The following BICD1 variants were observed in gnomAD, a reference collection of about 807,000 sequenced individuals.
BICD1 encodes the protein BICD cargo adaptor 1, also known as protein bicaudal D homolog 1.
A neutral mutation model predicts 92.5 loss-of-function variants in BICD1; 35 were observed. The observed-to-expected ratio is 0.38, with a 90% CI of 0.29 to 0.50. BICD1 has a LOEUF of 0.50. BICD1 is among the 20% of genes least tolerant of loss of function. The probability of loss-of-function intolerance (pLI) is 0.93; values close to 1 mark genes in which losing one functional copy is unlikely to be tolerated. For missense variants in BICD1, 950 were observed against 1,189.8 expected, an observed-to-expected ratio of 0.80 and a Z score of 2.97; for synonymous variants, 429 against 465.1, an observed-to-expected ratio of 0.92 and a Z score of 1.00.
At chr12:32,230,058 G>A (rs1424618069) in intron 2 of BICD1, among the ~76,000 whole-genome samples, 2 of 152,156 alleles carry the variant, frequency 1.3e-5, no homozygotes, top group South Asian at 2.1e-4. Context: ...TGTGAGTGAA[G>A]CAAGTCCTCT....
rs1592360338 is a variant in BICD1, at chr12:32,139,245, T to A, written c.213+31701T>A. 2.0e-5 allele frequency among the ~76,000 whole-genome samples: 3 copies of A among 152,312 alleles called. No homozygotes were observed. The South Asian group carries it at 6.2e-4, about 32-fold the overall frequency. ...CCCTTTGCTGTGAAACAGGTTTCAG[T>A]GCATCGTCCCTGTGTATAAGGTCAG... On this transcript the variant is annotated intron_variant, in intron 1 of 9. Transcript: ENST00000652176.
intron 4 of BICD1, among the ~76,000 whole-genome samples, chr12:32,320,170 C>T (rs919584220): frequency 1.3e-5 from 2 of 152,050 alleles, no homozygotes; most frequent in Non-Finnish European, 2.9e-5. Flanking sequence ...GCTATGTATA[C>T]TGTTAGAAGA....
At chr12:32,270,268 C>T (rs530459480) in intron 2 of BICD1, among the ~76,000 whole-genome samples, 2 of 151,822 alleles carry the variant, frequency 1.3e-5, no homozygotes, top group South Asian at 4.2e-4. Context: ...AAATCTGAAT[C>T]TAATGGTACT....
chr12:32,172,901 G>A (rs1943985645), intron 1 of BICD1, among the ~76,000 whole-genome samples: 1 of 152,036 alleles, frequency 6.6e-6, no homozygotes, highest in African/African-American at 2.4e-5. Flanking sequence ...ATTCTCTTTC[G>A]GCATTTTTCA....
chr12:32,126,389 C>G (rs559246433), intron 1 of BICD1, among the ~76,000 whole-genome samples: 1 of 152,014 alleles, frequency 6.6e-6, no homozygotes, highest in South Asian at 2.1e-4. Context: ...TTGGTCATGC[C>G]TGCAGCTCTC....
intron 2 of BICD1, among the ~76,000 whole-genome samples, chr12:32,222,166 T>A (rs1044159086): frequency 6.6e-6 from 1 of 152,238 alleles, no homozygotes; most frequent in Admixed American, 6.5e-5. Flanking sequence ...AAAGCAATTA[T>A]GCAGCATTCC....
chr12:32,287,197 A>T (rs1947592640), intron 2 of BICD1, among the ~76,000 whole-genome samples: 1 of 152,232 alleles, frequency 6.6e-6, no homozygotes, highest in Non-Finnish European at 1.5e-5. Flanking sequence ...CACTCAACTC[A>T]GACTGAAATT....
At chr12:32,219,582 A>G (rs563419565) in intron 2 of BICD1, among the ~76,000 whole-genome samples, 1 of 152,192 alleles carries the variant, frequency 6.6e-6, no homozygotes, top group African/African-American at 2.4e-5. Flanking sequence ...ATGTAGATCT[A>G]TATTCTTAGG....
chr12:32,300,113 T>C (rs1410359576), intron 3 of BICD1, among the ~76,000 whole-genome samples: 1 of 152,034 alleles, frequency 6.6e-6, no homozygotes, highest in Non-Finnish European at 1.5e-5. Flanking sequence ...ACTATTTTTT[T>C]TTTTTTGAGA....
At chr12:32,244,477 G>A (rs1352835427) in intron 2 of BICD1, among the ~76,000 whole-genome samples, 2 of 152,118 alleles carry the variant, frequency 1.3e-5, no homozygotes, top group Non-Finnish European at 2.9e-5. Context: ...GAGGCAGGCT[G>A]TCATTAATTG....
At chr12:32,247,960 G>A (rs1474800227) in intron 2 of BICD1, among the ~76,000 whole-genome samples, 1 of 151,540 alleles carries the variant, frequency 6.6e-6, no homozygotes, top group African/African-American at 2.4e-5. Context: ...GTGCGCACCT[G>A]TAATCCCAAC....
intron 1 of BICD1, among the ~76,000 whole-genome samples, chr12:32,190,338 C>T (rs1195720752): frequency 6.6e-6 from 1 of 152,088 alleles, no homozygotes; most frequent in Non-Finnish European, 1.5e-5. Context: ...TAACAATATT[C>T]GTGTGTACAA....
chr12:32,186,572 G>A (rs971154853), intron 1 of BICD1, among the ~76,000 whole-genome samples: 8 of 152,158 alleles, frequency 5.3e-5, no homozygotes, highest in African/African-American at 1.9e-4. Flanking sequence ...TGGTGTTTCA[G>A]GGGGACAGTT....
Position 32,294,160 on chromosome 12 carries a change from A to C in BICD1, c.579+14A>C, listed in dbSNP as rs201555447. 1.3e-6 allele frequency: 2 copies of C among 1,580,340 alleles called. No homozygotes were observed. Among genetic ancestry groups the C allele is most frequent in the South Asian group, 2.4e-5 (2 of 85,018 alleles). On this transcript the variant is annotated intron_variant, in intron 3 of 9. Transcript: ENST00000652176. ...AAGCAGAACCAGGTAAGGTTTAAGAAATTTTTTGTTATACTGAAGATGGAT... is the reference window on the plus strand; with the variant it reads ...AAGCAGAACCAGGTAAGGTTTAAGACATTTTTTGTTATACTGAAGATGGAT...
intron 4 of BICD1, among the ~76,000 whole-genome samples, chr12:32,323,163 T>C (rs1362593239): frequency 6.6e-6 from 1 of 152,244 alleles, no homozygotes; most frequent in Non-Finnish European, 1.5e-5. Flanking sequence ...ATAGTCTGGG[T>C]AAGCAAATTC....
At chr12:32,239,279 ATTGTT>A (rs1946167432) in intron 2 of BICD1, among the ~76,000 whole-genome samples, 1 of 140,012 alleles carries the variant, frequency 7.1e-6, no homozygotes. Context: ...AAGAAAGGAA[ATTGTT>A]GGCCGGGCGC....
intron 2 of BICD1, among the ~76,000 whole-genome samples, chr12:32,247,132 C>A (rs1946409016): frequency 6.6e-6 from 1 of 151,388 alleles, no homozygotes; most frequent in Admixed American, 6.6e-5. Context: ...TGGTGTGTGC[C>A]TGTAGTCCCA....
chr12:32,206,303 A>T (rs1397258253), intron 1 of BICD1, among the ~76,000 whole-genome samples: 1 of 152,202 alleles, frequency 6.6e-6, no homozygotes, highest in Non-Finnish European at 1.5e-5. Context: ...GCCCACAAGG[A>T]TTAGAAATAA....
intron 1 of BICD1, among the ~76,000 whole-genome samples, chr12:32,155,102 AG>A (rs1943400789): frequency 1.3e-5 from 2 of 152,042 alleles, no homozygotes; most frequent in African/African-American, 4.8e-5. Context: ...TTATTTTTGC[AG>A]TTAATAAATG....
Sources: gnomAD v4.1 joint callset for allele counts (sites outside exome capture counted in the v4.1 genomes callset) on GRCh38, gnomAD v4.1.1 for gene constraint, MANE v1.5 for transcripts, NCBI Gene and HGNC (gene_info 2026-07-23, HGNC 2026-07-21) for gene names.